GYPB: variants seen among roughly 807,000 people sequenced by gnomAD.
GYPB encodes the protein glycophorin B (MNS blood group).
Under a neutral mutation model 15.3 loss-of-function variants are expected in GYPB, and 13 were observed. That is an observed-to-expected ratio of 0.85 (90% confidence interval 0.55 to 1.35). GYPB has a LOEUF of 1.35. GYPB is among the 40% of genes most tolerant of loss of function. GYPB has a pLI of 0.00. For missense variants in GYPB, 131 were observed against 108.3 expected (o/e 1.21, Z -0.93); for synonymous variants, 38 against 36.9 (o/e 1.03, Z -0.11).
In GYPB at chr4:143,996,189, G is replaced by A. The variant is rs1320601289; in HGVS notation, c.*110C>T. ...GGAGAACAGGGAATTAGGATAGCCA[G>A]GGGTAGGGGCATAAGCAAAGGAATA... On this transcript the variant is annotated 3_prime_UTR_variant, in exon 5 of 5. Coordinates refer to ENST00000502664, the MANE Select transcript of GYPB (RefSeq NM_002100.6). 3.9e-6 allele frequency: 6 copies of A among 1,542,616 alleles called. No individual in the cohort carries two copies. The highest frequency in any genetic ancestry group is 2.8e-5 in the African/African-American group (2 of 71,390).
chr4:144,005,879 G>A lies in GYPB; in HGVS notation c.38-4596C>T. On this transcript the variant is annotated intron_variant, in intron 1 of 4. Transcript: ENST00000502664. Reference sequence around the variant, plus strand: ...GATGGGCAGAGTTTTAGGTGAAGATGCAGAGGAGGAGGGATAAAGAAATAG... The same window carrying A: ...GATGGGCAGAGTTTTAGGTGAAGATACAGAGGAGGAGGGATAAAGAAATAG... 1.3e-5 allele frequency among the ~76,000 whole-genome samples: 2 copies of A among 151,550 alleles called. 1 individual carries two copies. Among genetic ancestry groups the A allele is most frequent in the African/African-American group, 4.9e-5 (2 of 40,798 alleles).
At chr4:144,015,708 G>C (rs1307977083) in intron 1 of GYPB, among the ~76,000 whole-genome samples, 2 of 151,276 alleles carry the variant, frequency 1.3e-5, no homozygotes, top group Non-Finnish European at 2.9e-5. Flanking sequence ...AGTTCACAGT[G>C]GGTGTCTGTT....
intron 2 of GYPB, among the ~76,000 whole-genome samples, chr4:143,999,823 C>G (rs930338302): frequency 6.6e-6 from 1 of 151,470 alleles, no homozygotes; most frequent in African/African-American, 2.5e-5. Context: ...CATTACTCCA[C>G]AGAGATGCCA....
chr4:144,015,031 G>C (rs1487948793), intron 1 of GYPB, among the ~76,000 whole-genome samples: 2 of 151,278 alleles, frequency 1.3e-5, no homozygotes, highest in Non-Finnish European at 2.9e-5. Flanking sequence ...AATAATTTCG[G>C]TTAGACAGAA....
intron 1 of GYPB, chr4:144,008,433 T>C (rs1386553363): frequency 2.2e-6 from 1 of 455,120 alleles, no homozygotes; most frequent in African/African-American, 2.0e-5. Flanking sequence ...ACCTCTAACA[T>C]AGCATTGTAG....
At chr4:144,004,991 G>A (rs1211285458) in intron 1 of GYPB, among the ~76,000 whole-genome samples, 1 of 151,892 alleles carries the variant, frequency 6.6e-6, no homozygotes, top group Non-Finnish European at 1.5e-5. Context: ...TTAGGGACTG[G>A]ATTAAGGGAA....
intron 4 of GYPB, 43 bp downstream of exon 4, chr4:143,997,497 T>C: frequency 9.3e-7 from 1 of 1,079,668 alleles, no homozygotes; most frequent in Non-Finnish European, 1.4e-6. Flanking sequence ...CCTAGAGCTG[T>C]TCACACTGGT....
chr4:144,010,718 T>G (rs953777630), intron 1 of GYPB, among the ~76,000 whole-genome samples: 1 of 151,250 alleles, frequency 6.6e-6, no homozygotes, highest in Non-Finnish European at 1.5e-5. Context: ...TGAAATGCAC[T>G]CACGGCCCGC....
chr4:144,017,805 G>A (rs1333424489), intron 1 of GYPB, among the ~76,000 whole-genome samples: 13 of 151,284 alleles, frequency 8.6e-5, no homozygotes, highest in Non-Finnish European at 8.8e-5. Flanking sequence ...CTGTGTAATA[G>A]CACTTCAAAT....
At chr4:143,997,049 C>T (rs1487874372) in intron 4 of GYPB, among the ~76,000 whole-genome samples, 1 of 151,110 alleles carries the variant, frequency 6.6e-6, no homozygotes, top group African/African-American at 2.5e-5. Context: ...TGATACTACA[C>T]ATGTGCACCA....
chr4:144,013,995 T>G (rs1424013512), intron 1 of GYPB, among the ~76,000 whole-genome samples: 4 of 151,464 alleles, frequency 2.6e-5, no homozygotes, highest in Non-Finnish European at 5.9e-5. Context: ...AACAATTACA[T>G]GAGAAGATTC....
intron 2 of GYPB, 149 bp downstream of exon 2, chr4:144,001,036 A>G (rs1727593121): frequency 2.6e-5 from 36 of 1,372,436 alleles, no homozygotes; most frequent in Admixed American, 8.1e-5. Context: ...CTCTGTAGTA[A>G]GAATTGTGTC....
At position 144,001,074 on chromosome 4, in the gene GYPB, C is replaced by T. The variant is rs145199722; in HGVS notation, c.136+111G>A. 2.1e-3 allele frequency: 3,331 copies of T among 1,562,606 alleles called. 213 individuals carry two copies. In the African/African-American group the frequency reaches 0.042, roughly 20 times the overall value. On this transcript the variant is annotated intron_variant, in intron 2 of 4. Transcript: ENST00000502664. ...CTTAGTAGGCTGTGTCTACTTAGCT[C>T]GCATTTCTCAGTGTTTGTCAGTTTC...
intron 3 of GYPB, among the ~76,000 whole-genome samples, chr4:143,998,329 A>C (rs1727432938): frequency 6.6e-6 from 1 of 151,552 alleles, no homozygotes; most frequent in South Asian, 2.1e-4. Context: ...GCATATTTGT[A>C]GTACTTCCAG....
downstream of GYPB, chr4:143,996,008 T>G: frequency 1.7e-6 from 1 of 576,774 alleles, no homozygotes; most frequent in Non-Finnish European, 2.6e-6. Context: ...CTGTTGGCTT[T>G]GTTCAGACCC....
chr4:144,001,337 C>T (rs1167486573), intron 1 of GYPB, 54 bp from the exon 2 acceptor site: 35 of 1,612,014 alleles, frequency 2.2e-5, no homozygotes, highest in East Asian at 8.9e-5. Context: ...CTGAGCAGAC[C>T]ATAAAGCATA....
chr4:144,013,251 T>A lies in GYPB; in HGVS notation c.37+6000A>T, dbSNP rs966773274. ...CTCACACCAGTTAGAATGGCAATCA[T>A]TAAAAAGTCAGGAAACAACAGGTGC... On this transcript the variant is annotated intron_variant, in intron 1 of 4. Transcript: ENST00000502664. Among the ~76,000 whole-genome samples, 42 of 151,022 alleles carry A rather than the reference T, an allele frequency of 2.8e-4. 2 individuals carry two copies. The highest frequency in any genetic ancestry group is 9.4e-4 in the African/African-American group (38 of 40,476).
intron 1 of GYPB, among the ~76,000 whole-genome samples, chr4:144,015,896 T>G (rs6537240): frequency 0.86 from 129,738 of 150,592 alleles, 59,237 homozygotes; most frequent in Non-Finnish European, 0.99. Flanking sequence ...GGCCCACAGG[T>G]GTTAAATGAT....
chr4:144,006,158 CTG>C (rs1727904453), intron 1 of GYPB, among the ~76,000 whole-genome samples: 1 of 151,876 alleles, frequency 6.6e-6, no homozygotes, highest in African/African-American at 2.4e-5. Context: ...CAAAGTAAAT[CTG>C]TGTGACCTGA....
Sources: allele counts gnomAD v4.1 joint callset (sites outside exome capture counted in the v4.1 genomes callset), GRCh38; gene constraint gnomAD v4.1.1; transcripts MANE v1.5; gene names NCBI Gene and HGNC (gene_info 2026-07-23, HGNC 2026-07-21).